Variants in NRG3 observed in about 807,000 individuals in gnomAD.
NRG3 encodes the protein neuregulin 3, also known as pro-neuregulin-3, membrane-bound isoform.
A neutral mutation model predicts 66.9 loss-of-function variants in NRG3; 31 were observed. The ratio of observed to expected loss-of-function variants is 0.46; its 90% CI spans 0.35 to 0.63. NRG3 has a LOEUF of 0.63. Ranked by LOEUF, NRG3 falls within the 20% of genes least tolerant of loss-of-function variation. The probability of loss-of-function intolerance (pLI) is 0.00; values close to 1 mark genes in which losing one functional copy is unlikely to be tolerated. For missense variants in NRG3, 910 were observed against 878.9 expected, an observed-to-expected ratio of 1.04 and a Z score of -0.45; for synonymous variants, 393 against 359.4, an observed-to-expected ratio of 1.09 and a Z score of -1.06.
chr10:82,141,062 T>G (rs1051468262), intron 1 of NRG3, among the ~76,000 whole-genome samples: 30 of 152,272 alleles, frequency 2.0e-4, no homozygotes, highest in African/African-American at 7.0e-4. Flanking sequence ...GGGGAACCAG[T>G]TGAAGGATGT....
intron 4 of NRG3, among the ~76,000 whole-genome samples, chr10:82,926,930 G>A (rs1847062295): frequency 6.6e-6 from 1 of 151,954 alleles, no homozygotes; most frequent in Non-Finnish European, 1.5e-5. Context: ...TTTATCTTTG[G>A]GTCATTCCCC....
intron 4 of NRG3, among the ~76,000 whole-genome samples, chr10:82,874,437 A>G (rs1294220980): frequency 3.0e-5 from 1 of 33,604 alleles, no homozygotes; most frequent in African/African-American, 1.2e-4. Context: ...ACTTATTTGG[A>G]AAAAAAAAAA....
At chr10:82,942,022 T>TGTGTGTGTGTGTGTGC (rs1262777882) in intron 4 of NRG3, among the ~76,000 whole-genome samples, 5 of 151,936 alleles carry the variant, frequency 3.3e-5, no homozygotes, top group African/African-American at 9.7e-5. Flanking sequence ...TGTGTGTGTG[T>TGTGTGTGTGTGTGTGC]GTGCTTCAAC....
chr10:82,732,019 A>G (rs2783417), intron 2 of NRG3, among the ~76,000 whole-genome samples: 132,184 of 152,170 alleles, frequency 0.87, 57,568 homozygotes, highest in African/African-American at 0.91. Context: ...CACAAATAAC[A>G]TAAGGTACAA....
intron 4 of NRG3, among the ~76,000 whole-genome samples, chr10:82,872,174 A>AT (rs1456437428): frequency 6.6e-5 from 10 of 152,034 alleles, no homozygotes; most frequent in Non-Finnish European, 1.2e-4. Flanking sequence ...TGATCGTGTG[A>AT]TTTTTTTAGT....
At chr10:82,105,296 G>T (rs1362430790) in intron 1 of NRG3, among the ~76,000 whole-genome samples, 3 of 152,088 alleles carry the variant, frequency 2.0e-5, no homozygotes, top group Non-Finnish European at 4.4e-5. Flanking sequence ...CTCATTACCT[G>T]TTTGCATCCT....
intron 2 of NRG3, among the ~76,000 whole-genome samples, chr10:82,429,383 A>T (rs1399544635): frequency 6.6e-6 from 1 of 152,088 alleles, no homozygotes; most frequent in Non-Finnish European, 1.5e-5. Context: ...CATTTGAATG[A>T]TAAAATGAAT....
At chr10:82,731,982 C>T (rs1305263327) in intron 2 of NRG3, among the ~76,000 whole-genome samples, 2 of 152,076 alleles carry the variant, frequency 1.3e-5, no homozygotes, top group Admixed American at 1.3e-4. Flanking sequence ...TAAAAAATTG[C>T]TAACAGTAGA....
At chr10:82,275,909 G>T (rs1355382567) in intron 1 of NRG3, among the ~76,000 whole-genome samples, 3 of 151,892 alleles carry the variant, frequency 2.0e-5, no homozygotes, top group African/African-American at 7.2e-5. Context: ...TGTATGTCCT[G>T]TCAAAGAAAA....
At chr10:82,804,370 T>C (rs1051487442) in intron 3 of NRG3, among the ~76,000 whole-genome samples, 3 of 152,188 alleles carry the variant, frequency 2.0e-5, no homozygotes, top group African/African-American at 7.2e-5. Context: ...TTGGCTACAA[T>C]GCATGATAAG....
At chr10:82,075,806 G>A (rs972802080) in intron 1 of NRG3, among the ~76,000 whole-genome samples, 1 of 151,970 alleles carries the variant, frequency 6.6e-6, no homozygotes, top group African/African-American at 2.4e-5. Context: ...CAACAGGGTA[G>A]CAAAACTTCA....
At chr10:82,412,457 A>C (rs1191313337) in intron 2 of NRG3, among the ~76,000 whole-genome samples, 1 of 152,162 alleles carries the variant, frequency 6.6e-6, no homozygotes, top group Non-Finnish European at 1.5e-5. Flanking sequence ...TTATTGATTA[A>C]AAAAAGGTAA....
At chr10:82,623,914 A>G (rs1034185170) in intron 2 of NRG3, among the ~76,000 whole-genome samples, 1 of 152,118 alleles carries the variant, frequency 6.6e-6, no homozygotes, top group Non-Finnish European at 1.5e-5. Context: ...ATGATAGGGA[A>G]GGGACCCCAG....
chr10:82,964,889 G>C (rs769849896), intron 6 of NRG3, among the ~76,000 whole-genome samples: 1 of 152,160 alleles, frequency 6.6e-6, no homozygotes, highest in Admixed American at 6.5e-5. Context: ...TGGAAACAAT[G>C]CTGTTATTCT....
intron 1 of NRG3, among the ~76,000 whole-genome samples, chr10:81,882,563 T>C (rs1489153924): frequency 6.6e-6 from 1 of 152,140 alleles, no homozygotes; most frequent in Non-Finnish European, 1.5e-5. Context: ...CCTGGTATAA[T>C]GAGGTTGATG....
intron 2 of NRG3, among the ~76,000 whole-genome samples, chr10:82,658,889 A>G (rs1401539695): frequency 2.0e-5 from 3 of 152,358 alleles, no homozygotes; most frequent in East Asian, 3.9e-4. Flanking sequence ...CATGGGAAGT[A>G]TATGTTAGCT....
chr10:82,069,865 T>C (rs576781315), intron 1 of NRG3, among the ~76,000 whole-genome samples: 1 of 152,286 alleles, frequency 6.6e-6, no homozygotes, highest in South Asian at 2.1e-4. Flanking sequence ...AAACAGAAAC[T>C]TCACCTGCCT....
At chr10:82,348,034 G>C (rs2083149728) in intron 1 of NRG3, among the ~76,000 whole-genome samples, 1 of 151,884 alleles carries the variant, frequency 6.6e-6, no homozygotes, top group Non-Finnish European at 1.5e-5. Flanking sequence ...TTCCCAGTCT[G>C]TGTCTTTTAA....
At chr10:82,291,199 A>C (rs1044193211) in intron 1 of NRG3, among the ~76,000 whole-genome samples, 23 of 152,096 alleles carry the variant, frequency 1.5e-4, no homozygotes, top group African/African-American at 5.3e-4. Context: ...ATTTTTATAT[A>C]CTGAAAATGA....
Sources: gnomAD v4.1 joint callset for allele counts (sites outside exome capture counted in the v4.1 genomes callset) on GRCh38, gnomAD v4.1.1 for gene constraint, MANE v1.5 for transcripts, NCBI Gene and HGNC (gene_info 2026-07-23, HGNC 2026-07-21) for gene names.